ATP8A2: variants seen among roughly 807,000 people sequenced by gnomAD.
ATP8A2 encodes ATPase phospholipid transporting 8A2.
In ATP8A2, 100 loss-of-function variants were observed where a neutral mutation model predicts 165.6. The ratio of observed to expected loss-of-function variants is 0.60; its 90% CI spans 0.51 to 0.71. The LOEUF (loss-of-function observed/expected upper bound fraction) is 0.71, where lower values mean the gene tolerates loss of function less well. Ranked by LOEUF, ATP8A2 falls within the 30% of genes least tolerant of loss-of-function variation. The probability of loss-of-function intolerance (pLI) is 0.00; values close to 1 mark genes in which losing one functional copy is unlikely to be tolerated. For synonymous variants in ATP8A2, 543 were observed against 548.8 expected (o/e 0.99, Z 0.15); for missense variants, 1,227 against 1,479.5 (o/e 0.83, Z 2.80).
chr13:25,792,094 A>G (rs1291455094), intron 27 of ATP8A2, among the ~76,000 whole-genome samples: 1 of 152,230 alleles, frequency 6.6e-6, no homozygotes, highest in Non-Finnish European at 1.5e-5. Flanking sequence ...TAATAACTCC[A>G]TTTTAAGAAC....
At chr13:25,738,078 C>G (rs1049024073) in intron 25 of ATP8A2, among the ~76,000 whole-genome samples, 1 of 152,216 alleles carries the variant, frequency 6.6e-6, no homozygotes, top group African/African-American at 2.4e-5. Flanking sequence ...ATTAGGCACA[C>G]TGGCTTGGTT....
At chr13:25,928,391 C>A (rs1954670725) in intron 33 of ATP8A2, among the ~76,000 whole-genome samples, 1 of 152,100 alleles carries the variant, frequency 6.6e-6, no homozygotes, top group East Asian at 1.9e-4. Flanking sequence ...TTTCTTAGTC[C>A]TCTCTCCTTC....
intron 33 of ATP8A2, among the ~76,000 whole-genome samples, chr13:25,864,754 G>C (rs566468367): frequency 8.5e-5 from 13 of 152,338 alleles, no homozygotes; most frequent in African/African-American, 3.1e-4. Flanking sequence ...TCATTAAGCA[G>C]TACATGAGAG....
At chr13:25,598,113 A>G (rs2040285328) in intron 24 of ATP8A2, among the ~76,000 whole-genome samples, 1 of 152,100 alleles carries the variant, frequency 6.6e-6, no homozygotes, top group South Asian at 2.1e-4. Context: ...TTACAGCATC[A>G]TTTGTGAAAA....
At chr13:25,866,757 A>C (rs1471160889) in intron 33 of ATP8A2, among the ~76,000 whole-genome samples, 1 of 152,212 alleles carries the variant, frequency 6.6e-6, no homozygotes, top group Non-Finnish European at 1.5e-5. Context: ...TTCCCTTTAA[A>C]GTGTGAGAAC....
intron 27 of ATP8A2, among the ~76,000 whole-genome samples, chr13:25,783,306 A>C (rs1220387148): frequency 6.6e-6 from 1 of 152,194 alleles, no homozygotes; most frequent in Non-Finnish European, 1.5e-5. Context: ...AATAACTGCA[A>C]CTGTAATATG....
intron 27 of ATP8A2, among the ~76,000 whole-genome samples, chr13:25,785,040 G>T (rs1403115669): frequency 2.0e-5 from 3 of 151,804 alleles, no homozygotes; most frequent in African/African-American, 7.3e-5. Context: ...CGGGATTACA[G>T]GCATGAGCCA....
intron 13 of ATP8A2, among the ~76,000 whole-genome samples, chr13:25,555,542 A>G (rs558012936): frequency 4.6e-5 from 7 of 152,296 alleles, no homozygotes; most frequent in East Asian, 3.9e-4. Flanking sequence ...TGCCTTTACT[A>G]AGTTGGGCTT....
At chr13:25,497,087 A>T (rs1332698184) in intron 2 of ATP8A2, among the ~76,000 whole-genome samples, 1 of 152,182 alleles carries the variant, frequency 6.6e-6, no homozygotes, top group Non-Finnish European at 1.5e-5. Context: ...TGTGTTCTTC[A>T]TGTGAGCAGG....
At chr13:25,688,685 G>A (rs1292017034) in intron 24 of ATP8A2, among the ~76,000 whole-genome samples, 1 of 152,194 alleles carries the variant, frequency 6.6e-6, no homozygotes, top group African/African-American at 2.4e-5. Context: ...AACTCTGTCT[G>A]TACTCCCCAG....
intron 25 of ATP8A2, among the ~76,000 whole-genome samples, chr13:25,747,820 T>C (rs1245628095): frequency 2.0e-5 from 3 of 152,184 alleles, no homozygotes; most frequent in African/African-American, 7.2e-5. Context: ...TAAAATAACA[T>C]TGAATCACCA....
chr13:25,962,240 C>T (rs1160832298), intron 34 of ATP8A2, among the ~76,000 whole-genome samples: 1 of 152,070 alleles, frequency 6.6e-6, no homozygotes, highest in Non-Finnish European at 1.5e-5. Flanking sequence ...GCTTCACTTC[C>T]CATGCTTAGA....
intron 25 of ATP8A2, among the ~76,000 whole-genome samples, chr13:25,743,701 C>T (rs2043966730): frequency 1.3e-5 from 2 of 152,204 alleles, no homozygotes; most frequent in Non-Finnish European, 2.9e-5. Flanking sequence ...TGTCCAGCAG[C>T]ACCACTGAAA....
chr13:25,972,838 G>A (rs978660621), intron 35 of ATP8A2, among the ~76,000 whole-genome samples: 1 of 152,184 alleles, frequency 6.6e-6, no homozygotes, highest in Non-Finnish European at 1.5e-5. Context: ...AACCGATGAC[G>A]GCGTGTAAGA....
chr13:25,820,714 G>A (rs1404699340), intron 27 of ATP8A2, among the ~76,000 whole-genome samples: 1 of 152,136 alleles, frequency 6.6e-6, no homozygotes. Flanking sequence ...ATTTTATAAT[G>A]TGTCAGAGAG....
At chr13:25,558,216 A>G (rs2039038701) in intron 13 of ATP8A2, among the ~76,000 whole-genome samples, 1 of 152,024 alleles carries the variant, frequency 6.6e-6, no homozygotes, top group East Asian at 1.9e-4. Flanking sequence ...GTTTTTTTAT[A>G]TGATATTTTA....
In ATP8A2 at chr13:25,807,311, A is replaced by G. The variant is rs148547227; in HGVS notation, c.2680-20807A>G. 1.8e-3 allele frequency among the ~76,000 whole-genome samples: 280 copies of G among 152,234 alleles called. 1 individual carries two copies. The highest frequency in any genetic ancestry group is 6.4e-3 in the African/African-American group (265 of 41,554). On this transcript the variant is annotated intron_variant, in intron 27 of 36. Coordinates refer to ENST00000381655, the MANE Select transcript of ATP8A2 (RefSeq NM_016529.6). ...CCATTTTCTTGTAGGAATTCTATAG[A>G]TTCAGCTCTTAAACTTACGACTGTT...
At chr13:25,609,496 C>G (rs561078553) in intron 24 of ATP8A2, among the ~76,000 whole-genome samples, 3 of 30,884 alleles carry the variant, frequency 9.7e-5, no homozygotes, top group Non-Finnish European at 3.6e-4. Flanking sequence ...TTTTGACAAG[C>G]ATTAAAAGAA....
intron 2 of ATP8A2, among the ~76,000 whole-genome samples, chr13:25,496,811 T>G (rs1439650245): frequency 6.6e-6 from 1 of 152,204 alleles, no homozygotes; most frequent in Non-Finnish European, 1.5e-5. Flanking sequence ...TTTGGATTAA[T>G]GCATTGCTGT....
Sources: allele counts gnomAD v4.1 joint callset (sites outside exome capture counted in the v4.1 genomes callset), GRCh38; gene constraint gnomAD v4.1.1; transcripts MANE v1.5; gene names NCBI Gene and HGNC (gene_info 2026-07-23, HGNC 2026-07-21).